Variants in ABCB1 observed in about 807,000 individuals in gnomAD.
ABCB1 encodes the protein ATP-dependent translocase ABCB1.
In ABCB1, 69 loss-of-function variants were observed where a neutral mutation model predicts 142.0. That is an observed-to-expected ratio of 0.49 (90% CI 0.40 to 0.59). ABCB1 has a LOEUF of 0.59. Among genes scored for constraint, ABCB1 ranks in the 20% least tolerant of loss-of-function variants. ABCB1 has a pLI of 0.00. For missense variants in ABCB1, 1,326 were observed against 1,554.7 expected, an observed-to-expected ratio of 0.85 and a Z score of 2.47; for synonymous variants, 532 against 539.2, an observed-to-expected ratio of 0.99 and a Z score of 0.18.
chr7:87,623,288 T>C (rs1211164254), intron 1 of ABCB1, among the ~76,000 whole-genome samples: 5 of 152,160 alleles, frequency 3.3e-5, no homozygotes, highest in Admixed American at 2.0e-4. Context: ...TTCTACATGA[T>C]AAAAAATTTT....
At chr7:87,613,014 T>G (rs1424909431) in intron 1 of ABCB1, among the ~76,000 whole-genome samples, 8 of 142,440 alleles carry the variant, frequency 5.6e-5, no homozygotes, top group African/African-American at 1.7e-4. Context: ...TTGGTGGGTT[T>G]TTTTTTTTTT....
At chr7:87,615,709 T>C (rs1195785991) in intron 1 of ABCB1, among the ~76,000 whole-genome samples, 1 of 152,182 alleles carries the variant, frequency 6.6e-6, no homozygotes, top group East Asian at 1.9e-4. Flanking sequence ...GATAATATAA[T>C]TTGTAGACTT....
At chr7:87,539,191 A>T (rs1816418096) in intron 19 of ABCB1, 77 bp downstream of exon 19, 1 of 1,451,214 alleles carries the variant, frequency 6.9e-7, no homozygotes, top group Admixed American at 1.7e-5. Flanking sequence ...AACATGACAG[A>T]GCTCCCACTG....
At chr7:87,576,387 CAT>C (rs966321575) in intron 4 of ABCB1, among the ~76,000 whole-genome samples, 126 of 149,854 alleles carry the variant, frequency 8.4e-4, no homozygotes, top group Admixed American at 1.1e-3. Context: ...CAGAGCTATA[CAT>C]ATACACACAC....
Position 87,531,327 on chromosome 7 carries a change from C to G in ABCB1, c.2652G>C (p.Leu884=), listed in dbSNP as rs1382054370. Residue 884 remains leucine (L), a synonymous_variant, in exon 21 of 28, where the codon CTG becomes CTC. Transcript: ENST00000622132. ...VEMKMLSGQA[L]KDKKELEGSG... is the part of the protein sequence containing the mutation. Reference sequence around the variant, plus strand: ...AACCTTCTAGTTCTTTCTTATCTTTCAGTGCTTGTCCAGACAACATTTTCA... The same window carrying G: ...AACCTTCTAGTTCTTTCTTATCTTTGAGTGCTTGTCCAGACAACATTTTCA... The G allele has an allele frequency of 6.2e-7, 1 of 1,613,348 alleles. No homozygotes were observed. Among genetic ancestry groups the G allele is most frequent in the Non-Finnish European group, 8.5e-7 (1 of 1,179,618 alleles).
chr7:87,686,616 G>A (rs1280718057), intron 1 of ABCB1, among the ~76,000 whole-genome samples: 2 of 151,872 alleles, frequency 1.3e-5, no homozygotes, highest in African/African-American at 2.4e-5. Flanking sequence ...AGTGATTTTT[G>A]TAAAGTTTAT....
Position 87,565,444 on chromosome 7 carries a change from C to A in ABCB1, c.702+626G>T, listed in dbSNP as rs550040270. On this transcript the variant is annotated intron_variant, in intron 7 of 27. Coordinates refer to ENST00000622132, the MANE Select transcript of ABCB1 (RefSeq NM_001348946.2). ...GAAACGTGTGCTGGGGTAGAGAGGG[C>A]CACTTCTACCTCTCTGCCTTCATGA... 9.0e-4 allele frequency: 410 copies of A among 454,322 alleles called. 7 individuals are homozygous for A. The Middle Eastern group carries it at 0.022, about 25-fold the overall frequency. 28.1% of individuals were successfully genotyped at this position (454,322 alleles called of 1,614,324 possible).
chr7:87,550,756 G>C lies in ABCB1; in HGVS notation c.1082C>G (p.Ala361Gly). The change falls in exon 10 of 28, where the codon GCA becomes GGA. Residue 361 changes from alanine to glycine, a missense_variant. Physicochemically the swap from Ala to Gly is moderately conservative, Grantham distance 60 (BLOSUM62 0). Coordinates refer to ENST00000622132, the MANE Select transcript of ABCB1 (RefSeq NM_001348946.2). ...AATTATCTTGAAGATTTCATAAGCT[G>C]CTCCTCTTGCATTTGCAAATGCTTC... is the stretch of plus-strand genomic sequence containing the variant. ...SIEAFANARG[A>G]AYEIFKIIDN... 1.2e-6 allele frequency: 2 copies of C among 1,613,244 alleles called. No individual in the cohort carries two copies. The highest frequency in any genetic ancestry group is 2.7e-5 in the African/African-American group (2 of 75,034).
At chr7:87,667,015 A>G (rs571193794) in intron 1 of ABCB1, among the ~76,000 whole-genome samples, 2 of 152,240 alleles carry the variant, frequency 1.3e-5, no homozygotes, top group East Asian at 3.9e-4. Flanking sequence ...GTTTTTATCT[A>G]GTTCTGTGAA....
intron 1 of ABCB1, among the ~76,000 whole-genome samples, chr7:87,635,467 A>G (rs1821674886): frequency 6.6e-6 from 1 of 152,206 alleles, no homozygotes; most frequent in Non-Finnish European, 1.5e-5. Context: ...CTGGACACTA[A>G]TGTATAACTG....
At chr7:87,626,377 G>A (rs5014437) in intron 1 of ABCB1, among the ~76,000 whole-genome samples, 195 of 14,666 alleles carry the variant, frequency 0.013, 64 homozygotes, top group African/African-American at 0.12. Context: ...TGTGTCATAT[G>A]TATGTGTCAT....
At chr7:87,687,557 A>G (rs1011374010) in intron 1 of ABCB1, among the ~76,000 whole-genome samples, 2 of 152,094 alleles carry the variant, frequency 1.3e-5, no homozygotes, top group Admixed American at 6.6e-5. Context: ...TAAGATCTTC[A>G]TCTGTTTTGT....
At chr7:87,635,329 T>A (rs1821658556) in intron 1 of ABCB1, among the ~76,000 whole-genome samples, 1 of 152,220 alleles carries the variant, frequency 6.6e-6, no homozygotes, top group Admixed American at 6.5e-5. Context: ...TCACAGAGGG[T>A]CTTGAAGTTA....
At chr7:87,558,958 G>A (rs563621683) in intron 8 of ABCB1, among the ~76,000 whole-genome samples, 1 of 152,010 alleles carries the variant, frequency 6.6e-6, no homozygotes, top group Non-Finnish European at 1.5e-5. Context: ...TTTTTCACAT[G>A]GATTTATTTA....
intron 5 of ABCB1, among the ~76,000 whole-genome samples, chr7:87,568,909 T>C (rs1817912523): frequency 6.6e-6 from 1 of 152,212 alleles, no homozygotes; most frequent in Non-Finnish European, 1.5e-5. Context: ...TGTCAGTGTA[T>C]GTTTACTCAA....
At chr7:87,646,944 C>T (rs996816749) in intron 1 of ABCB1, among the ~76,000 whole-genome samples, 2 of 152,042 alleles carry the variant, frequency 1.3e-5, no homozygotes, top group Non-Finnish European at 2.9e-5. Flanking sequence ...TGTTATTTCC[C>T]GTTATTGCAT....
intron 4 of ABCB1, among the ~76,000 whole-genome samples, chr7:87,575,118 C>G (rs893741338): frequency 6.6e-6 from 1 of 152,062 alleles, no homozygotes; most frequent in African/African-American, 2.4e-5. Context: ...CTTTTCTAAA[C>G]CCAAGCAAGA....
At position 87,516,374 on chromosome 7, in the gene ABCB1, GAA is replaced by G. The variant is rs1584836481; in HGVS notation, c.3084+133_3084+134del. The G allele has an allele frequency of 5.3e-6, 6 of 1,139,564 alleles. No homozygotes were observed. In the East Asian group the frequency reaches 1.5e-4, roughly 28 times the overall value. The allele number at this position is 1,139,564 out of a possible 1,614,324, so 70.6% of individuals were successfully genotyped here. On this transcript the variant is annotated intron_variant, in intron 24 of 27. Coordinates refer to ENST00000622132, the MANE Select transcript of ABCB1 (RefSeq NM_001348946.2). The stretch of plus-strand genomic sequence containing the variant: ...TTGATGTATATTATTAGCAGTAATT[GAA>G]AGGAATCTATGATCTAGGAAGTTTT...
chr7:87,650,814 T>G, intron 1 of ABCB1: 1 of 1,557,690 alleles, frequency 6.4e-7, no homozygotes, highest in Non-Finnish European at 8.9e-7. Context: ...ATAATCTTTT[T>G]TTCATAGGTT....
Sources: allele counts gnomAD v4.1 joint callset (sites outside exome capture counted in the v4.1 genomes callset), GRCh38; gene constraint gnomAD v4.1.1; transcripts MANE v1.5; gene names NCBI Gene and HGNC (gene_info 2026-07-23, HGNC 2026-07-21).